Variants in TNXB observed in about 807,000 individuals in gnomAD.
The protein encoded by TNXB is tenascin XB.
A neutral mutation model predicts 340.5 loss-of-function variants in TNXB; 183 were observed. The ratio of observed to expected loss-of-function variants is 0.54; its 90% CI spans 0.48 to 0.61. TNXB has a LOEUF of 0.61. TNXB is among the 20% of genes least tolerant of loss of function. The probability of loss-of-function intolerance (pLI) is 0.00; values close to 1 mark genes in which losing one functional copy is unlikely to be tolerated. For synonymous variants in TNXB, 2,121 were observed against 2,314.5 expected, an observed-to-expected ratio of 0.92 and a Z score of 2.40; for missense variants, 4,613 against 5,446.4, an observed-to-expected ratio of 0.85 and a Z score of 4.82.
At chr6:32,066,546 G>A (rs903056731) in intron 18 of TNXB, among the ~76,000 whole-genome samples, 1 of 152,144 alleles carries the variant, frequency 6.6e-6, no homozygotes, top group Non-Finnish European at 1.5e-5. Flanking sequence ...CCATTTATAC[G>A]AAATGTTCTG....
rs1780261986 is a variant in TNXB, at chr6:32,095,187, C to T, written c.2247G>A (p.Val749=). 6.5e-7 allele frequency: 1 copy of T among 1,549,314 alleles called. No homozygotes were observed. ...GCATCCTCATGCCCTCAATGGTTGGCACCTCTGCCCAAGAGAATGGGTTAG... is the reference window on the plus strand; with the variant it reads ...GCATCCTCATGCCCTCAATGGTTGGTACCTCTGCCCAAGAGAATGGGTTAG... ...GYAGEDCGEE[V]PTIEGMRMHL... is the part of the protein sequence containing the mutation. The change falls in exon 4 of 44, where the codon GTG becomes GTA. Residue 749 remains valine (V), a synonymous_variant. Transcript: ENST00000644971.
chr6:32,066,286 T>TG (rs1476036291), intron 18 of TNXB, among the ~76,000 whole-genome samples: 2 of 152,016 alleles, frequency 1.3e-5, no homozygotes, highest in Non-Finnish European at 2.9e-5. Context: ...CCCAGCTACC[T>TG]GGGGGGCTGA....
rs367937124 is a variant in TNXB at position 32,050,218 on chromosome 6, G to A, written c.9219C>T (p.Pro3073=). The part of the protein sequence containing the change: ...LGELTVTDAT[P]DSLSLSWMVP... ...CCATCCAGGACAGGCTGAGGGAGTC[G>A]GGGGTGGCATCTGTCACGGTCAGCT... Residue 3073 remains proline (P), a synonymous_variant, in exon 27 of 44, where the codon CCC becomes CCT. Transcript: ENST00000644971. 79 of 1,613,580 alleles carry A rather than the reference G, an allele frequency of 4.9e-5. 1 individual carries two copies. The highest frequency in any genetic ancestry group is 2.0e-4 in the East Asian group (9 of 44,864).
rs189681897 is a variant in TNXB, at chr6:32,074,162, G to T, written c.4376-210C>A. Reference sequence around the variant, plus strand: ...CTCCCAAGTAGCTGGGACTACAGGCGTGCGCCACCATGCCTGCCTAATTTT... The same window carrying T: ...CTCCCAAGTAGCTGGGACTACAGGCTTGCGCCACCATGCCTGCCTAATTTT... On this transcript the variant is annotated intron_variant, in intron 11 of 43. Transcript: ENST00000644971. This position sits in a 1 kb window ranked among gnomAD's most constrained non-coding sequence, Gnocchi z 5.5. 5.3e-5 allele frequency among the ~76,000 whole-genome samples: 8 copies of T among 151,830 alleles called. No homozygotes were observed. Among genetic ancestry groups the T allele is most frequent in the Non-Finnish European group, 1.2e-4 (8 of 67,946 alleles).
intron 35 of TNXB, 81 bp downstream of exon 35, chr6:32,043,668 A>C: frequency 1.2e-6 from 2 of 1,600,196 alleles, no homozygotes; most frequent in Non-Finnish European, 1.7e-6. Flanking sequence ...CCTCCCTTTC[A>C]CCCTCCTCGT....
In TNXB at chr6:32,050,304, C is replaced by T. The variant is rs746050859; in HGVS notation, c.9133G>A (p.Glu3045Lys). The part of the protein sequence containing the change: ...VGVTAPKDEA[E>K]TTQAVPTMTP... ...ATGGTAGGCACTGCTTGGGTGGTCT[C>T]GGCTTCATCCTTTGGAGCTGGACAG... Residue 3045 changes from glutamate (E) to lysine (K), a missense_variant, in exon 27 of 44, where the codon GAG becomes AAG. Glu to Lys is a moderately conservative substitution (Grantham distance 56). Coordinates refer to ENST00000644971, the MANE Select transcript of TNXB (RefSeq NM_001365276.2). 9.9e-6 allele frequency: 16 copies of T among 1,612,732 alleles called. No homozygotes were observed. The highest frequency in any genetic ancestry group is 6.6e-5 in the South Asian group (6 of 91,060).
Position 32,047,962 on chromosome 6 carries a change from C to T in TNXB, c.10096G>A (p.Ala3366Thr), listed in dbSNP as rs1184366522. The T allele has an allele frequency of 8.1e-6, 13 of 1,611,508 alleles. No homozygotes were observed. The highest frequency in any genetic ancestry group is 1.1e-5 in the Non-Finnish European group (13 of 1,179,298). ...GAGAGGCCCACGGAGTCAGGGGTCG[C>T]ATCTGTCACAGTCAGCTCCCCCAGG... is the stretch of plus-strand genomic sequence containing the variant. ...PRLGELTVTD[A>T]TPDSVGLSWT... The change falls in exon 30 of 44, where the codon GCG (alanine) becomes ACG (threonine). Residue 3366 changes from alanine (A) to threonine (T), a missense_variant. Coordinates refer to ENST00000644971, the MANE Select transcript of TNXB (RefSeq NM_001365276.2). The surrounding 1 kb of genome is among the most constrained non-coding windows in gnomAD (Gnocchi z 6.2).
intron 26 of TNXB, among the ~76,000 whole-genome samples, chr6:32,050,860 T>C (rs1777246486): frequency 6.6e-6 from 1 of 152,144 alleles, no homozygotes; most frequent in Non-Finnish European, 1.5e-5. Flanking sequence ...CAACTGCCTA[T>C]TGGCTTCCCT....
Position 32,096,397 on chromosome 6 carries a change from C to A in TNXB, c.1456G>T (p.Gly486Trp). The stretch of plus-strand genomic sequence containing the variant: ...GTGCCGCAGTCCCGGCCTGTGTACC[C>A]CGGCCAACACATGCAGCGGCCACTC... ...CESGRCMCWPGYTGRDCGTRA... is the reference protein window; with the variant it reads ...CESGRCMCWPWYTGRDCGTRA... Residue 486 changes from glycine to tryptophan, a missense_variant, in exon 3 of 44, where the codon GGG (glycine) becomes TGG (tryptophan). Transcript: ENST00000644971. 1 of 1,577,758 alleles carries A rather than the reference C, an allele frequency of 6.3e-7. No individual in the cohort carries two copies. Among genetic ancestry groups the A allele is most frequent in the African/African-American group, 1.3e-5 (1 of 74,376 alleles).
rs1780378385 is a variant in TNXB, at chr6:32,096,466, C to G, written c.1387G>C (p.Val463Leu). The change falls in exon 3 of 44, where the codon GTG becomes CTG. Residue 463 changes from valine to leucine, a missense_variant. Physicochemically the swap from Val to Leu is conservative, Grantham distance 32. Transcript: ENST00000644971. ...NAGYSGEDCG[V>L]RSCPGDCRGR... is the part of the protein sequence containing the mutation. ...CGACAGTCCCCAGGACAGCTGCGCA[C>G]ACCGCAGTCCTCGCCGCTGTAGCCC... 6.3e-7 allele frequency: 1 copy of G among 1,599,690 alleles called. No individual in the cohort carries two copies. The highest frequency in any genetic ancestry group is 1.3e-5 in the African/African-American group (1 of 74,888).
chr6:32,056,492 C>T (rs1018765486), intron 23 of TNXB, 94 bp downstream of exon 23: 50 of 1,534,006 alleles, frequency 3.3e-5, no homozygotes, highest in East Asian at 4.9e-5. Context: ...TGGTGCTGAC[C>T]GGACCCCTGG....
rs569131010 is a variant in TNXB, at chr6:32,081,974, G to T, written c.3736+62C>A. The stretch of plus-strand genomic sequence containing the variant: ...GGGGGACCCCAGCTGGTTTTGGGCT[G>T]AAGGGAAGTGTGCATGGGGCTGAGA... On this transcript the variant is annotated intron_variant, in intron 9 of 43. Coordinates refer to ENST00000644971, the MANE Select transcript of TNXB (RefSeq NM_001365276.2). This position sits in a 1 kb window ranked among gnomAD's most constrained non-coding sequence, Gnocchi z 5.1. 91 of 1,504,016 alleles carry T rather than the reference G, an allele frequency of 6.1e-5. No homozygotes were observed. The highest frequency in any genetic ancestry group is 1.5e-4 in the South Asian group (12 of 79,546). 93.2% of individuals were successfully genotyped at this position (1,504,016 alleles called of 1,614,324 possible).
chr6:32,053,840 C>T (rs889730358), intron 24 of TNXB, 129 bp from the exon 25 acceptor site: 7 of 1,079,770 alleles, frequency 6.5e-6, no homozygotes, highest in African/African-American at 6.3e-5. Flanking sequence ...CACAGCTCTT[C>T]ATCCTCTCCT....
intron 1 of TNXB, among the ~76,000 whole-genome samples, chr6:32,104,213 G>T (rs1345273986): frequency 6.6e-6 from 1 of 152,162 alleles, no homozygotes; most frequent in African/African-American, 2.4e-5. Flanking sequence ...TAGACCTACT[G>T]CTCTAGTCAT....
chr6:32,071,979 G>T lies in TNXB; in HGVS notation c.4990+11C>A. On this transcript the variant is annotated intron_variant, in intron 13 of 43. Coordinates refer to ENST00000644971, the MANE Select transcript of TNXB (RefSeq NM_001365276.2). Reference sequence around the variant, plus strand: ...TGGCCTCAGGCTCAGCTGTGTAGGGGCCCATCTCACCCGTCTTTGCCTCCA... The same window carrying T: ...TGGCCTCAGGCTCAGCTGTGTAGGGTCCCATCTCACCCGTCTTTGCCTCCA... 2.5e-6 allele frequency: 4 copies of T among 1,584,352 alleles called. No individual in the cohort carries two copies. Among genetic ancestry groups the T allele is most frequent in the Non-Finnish European group, 3.4e-6 (4 of 1,163,326 alleles).
chr6:32,104,307 C>T (rs952163891), intron 1 of TNXB, among the ~76,000 whole-genome samples: 2 of 152,180 alleles, frequency 1.3e-5, no homozygotes, highest in Non-Finnish European at 2.9e-5. Context: ...ATCTTCCTCT[C>T]GCTCCACAGC....
In TNXB at chr6:32,048,624, C is replaced by A. The variant is rs1208287986; in HGVS notation, c.9784G>T (p.Glu3262Ter). The A allele has an allele frequency of 6.6e-7, 1 of 1,515,710 alleles. No individual in the cohort carries two copies. 93.9% of individuals were successfully genotyped at this position (1,515,710 alleles called of 1,614,324 possible). ...TAPLPTPLPV[E>*]PRLGELAVAA... The stretch of plus-strand genomic sequence containing the variant: ...ACCGCCAGCTCCCCCAGGCGGGGCT[C>A]CACCGGCAGTGGTGTGGGCAGGGGC... The change falls in exon 29 of 44, where the codon GAG (glutamate) becomes TAG (stop). Residue 3262 changes from glutamate (E) to a stop codon, truncating the protein, a stop_gained. Transcript: ENST00000644971. LOFTEE classifies it high-confidence loss of function.
Position 32,056,641 on chromosome 6 carries a change from C to T in TNXB, c.8088G>A (p.Leu2696=), listed in dbSNP as rs775686832. The change falls in exon 23 of 44, where the codon CTG becomes CTA. Residue 2696 remains leucine (L), a synonymous_variant. Coordinates refer to ENST00000644971, the MANE Select transcript of TNXB (RefSeq NM_001365276.2). ...CGCGCTGGCCACCGTGGAAGCCGTA[C>T]AGGTTCATCTTGTATTTATGGTCTG... ...LEPDHKYKMN[L]YGFHGGQRVG... is the part of the protein sequence containing the mutation. 6 of 1,613,126 alleles carry T rather than the reference C, an allele frequency of 3.7e-6. No individual in the cohort carries two copies. Among genetic ancestry groups the T allele is most frequent in the Non-Finnish European group, 5.1e-6 (6 of 1,179,884 alleles).
At chr6:32,077,797 CG>C (rs1400986922) in intron 11 of TNXB, among the ~76,000 whole-genome samples, 1 of 152,174 alleles carries the variant, frequency 6.6e-6, no homozygotes, top group African/African-American at 2.4e-5. Context: ...AAGGCCAAGG[CG>C]GGTGGATCAC....
Sources: gnomAD v4.1 joint callset for allele counts (sites outside exome capture counted in the v4.1 genomes callset) on GRCh38, gnomAD v4.1.1 for gene constraint, Gnocchi (gnomAD v3.1) non-coding constraint, MANE v1.5 for transcripts, NCBI Gene and HGNC (gene_info 2026-07-23, HGNC 2026-07-21) for gene names.